MALRD1: variants seen among roughly 807,000 people sequenced by gnomAD.
The protein encoded by MALRD1 is MAM and LDL receptor class A domain containing 1, also known as MAM and LDL-receptor class A domain-containing protein 1.
MALRD1 carries 247 observed loss-of-function variants against 242.1 expected under a neutral mutation model. That is an observed-to-expected ratio of 1.02 (90% CI 0.92 to 1.13). The LOEUF (loss-of-function observed/expected upper bound fraction) is 1.13, where lower values mean the gene tolerates loss of function less well. MALRD1 is among the 50% of genes most tolerant of loss of function. The pLI is 0.00. For synonymous variants in MALRD1, 995 were observed against 866.6 expected, an observed-to-expected ratio of 1.15 and a Z score of -2.60; for missense variants, 2,989 against 2,533.1, an observed-to-expected ratio of 1.18 and a Z score of -3.86.
intron 38 of MALRD1, among the ~76,000 whole-genome samples, chr10:19,723,978 G>A (rs896659348): frequency 6.6e-6 from 1 of 151,578 alleles, no homozygotes; most frequent in African/African-American, 2.4e-5. Context: ...GGATCGCTTG[G>A]GCCCAGGAGT....
At chr10:19,332,174 G>T (rs1335128731) in intron 24 of MALRD1, among the ~76,000 whole-genome samples, 9 of 142,880 alleles carry the variant, frequency 6.3e-5, no homozygotes, top group African/African-American at 8.1e-5. Context: ...TGAAATAAAT[G>T]TTGTTTTTTT....
chr10:19,427,811 C>T (rs1011786073), intron 28 of MALRD1, among the ~76,000 whole-genome samples: 1 of 151,942 alleles, frequency 6.6e-6, no homozygotes, highest in Non-Finnish European at 1.5e-5. Context: ...AAAAGAGTCC[C>T]AATCATTTTG....
Position 19,247,303 on chromosome 10 carries a change from A to G in MALRD1, c.2992-10381A>G, listed in dbSNP as rs556102527. On this transcript the variant is annotated intron_variant, in intron 18 of 39. Transcript: ENST00000454679. ...ACATGTTCAAAAATTAAATTACTTCATTAAAAATATTCTCAACATTCATCA... is the reference window on the plus strand; with the variant it reads ...ACATGTTCAAAAATTAAATTACTTCGTTAAAAATATTCTCAACATTCATCA... Among the ~76,000 whole-genome samples, 3 of 152,266 alleles carry G rather than the reference A, an allele frequency of 2.0e-5. No homozygotes were observed. In the East Asian group the frequency reaches 5.8e-4, roughly 29 times the overall value.
intron 12 of MALRD1, among the ~76,000 whole-genome samples, chr10:19,163,320 A>T (rs942358880): frequency 2.0e-5 from 3 of 152,070 alleles, no homozygotes; most frequent in African/African-American, 7.2e-5. Flanking sequence ...ATATGCAGCC[A>T]TAAAAAAAGA....
chr10:19,139,685 G>T (rs926422532), intron 10 of MALRD1, among the ~76,000 whole-genome samples: 1 of 152,092 alleles, frequency 6.6e-6, no homozygotes, highest in African/African-American at 2.4e-5. Context: ...CCTCCAGACC[G>T]GTGGCTCTTC....
At chr10:19,256,103 C>G (rs1839497242) in intron 18 of MALRD1, among the ~76,000 whole-genome samples, 1 of 152,026 alleles carries the variant, frequency 6.6e-6, no homozygotes, top group Admixed American at 6.6e-5. Flanking sequence ...ATTTTCTATT[C>G]CTTCTCATTA....
At chr10:19,289,938 A>C (rs992465458) in intron 21 of MALRD1, among the ~76,000 whole-genome samples, 2 of 152,122 alleles carry the variant, frequency 1.3e-5, no homozygotes, top group South Asian at 4.1e-4. Context: ...GGCTCAGTAA[A>C]GTAAGGATTA....
chr10:19,533,351 T>C (rs910709260), intron 32 of MALRD1, among the ~76,000 whole-genome samples: 4 of 152,196 alleles, frequency 2.6e-5, no homozygotes, highest in Non-Finnish European at 5.9e-5. Flanking sequence ...TTTTCTACTC[T>C]GGGAAGTTTT....
At chr10:19,555,319 A>G (rs1356047448) in intron 32 of MALRD1, among the ~76,000 whole-genome samples, 1 of 152,110 alleles carries the variant, frequency 6.6e-6, no homozygotes, top group Non-Finnish European at 1.5e-5. Flanking sequence ...GGAGGGGACA[A>G]ACATCTAAAC....
rs116705837 is a variant in MALRD1, at chr10:19,219,570, G to A, written c.2991+9890G>A. Among the ~76,000 whole-genome samples, 625 of 152,124 alleles carry A rather than the reference G, an allele frequency of 4.1e-3. 6 individuals carry two copies. The highest frequency in any genetic ancestry group is 0.014 in the African/African-American group (588 of 41,518). On this transcript the variant is annotated intron_variant, in intron 18 of 39. Transcript: ENST00000454679. ...TCTTGATTCAGCCTCCCAAGTAGCT[G>A]CGCCTATAGGCGTGCACCACCACAC...
chr10:19,620,934 A>G (rs974208562), intron 36 of MALRD1, among the ~76,000 whole-genome samples: 2 of 151,860 alleles, frequency 1.3e-5, no homozygotes, highest in African/African-American at 2.4e-5. Context: ...TTGAGTAAGC[A>G]TATGATGTGT....
At chr10:19,402,625 A>G (rs1174572423) in intron 28 of MALRD1, among the ~76,000 whole-genome samples, 1 of 152,112 alleles carries the variant, frequency 6.6e-6, no homozygotes, top group African/African-American at 2.4e-5. Flanking sequence ...ACAGACTAAT[A>G]TACCCTATCT....
intron 38 of MALRD1, among the ~76,000 whole-genome samples, chr10:19,707,968 G>C (rs1478328423): frequency 8.6e-6 from 1 of 116,630 alleles, no homozygotes; most frequent in East Asian, 2.6e-4. Flanking sequence ...GTCTAAATAT[G>C]TATTATTTTT....
chr10:19,123,579 A>T lies in MALRD1; in HGVS notation c.782A>T (p.Asp261Val), dbSNP rs1837145237. Residue 261 changes from aspartate (D) to valine (V), a missense_variant, in exon 6 of 40, where the codon GAT (aspartate) becomes GTT (valine). Physicochemically the swap from Asp to Val is radical, Grantham distance 152. Coordinates refer to ENST00000454679, the MANE Select transcript of MALRD1 (RefSeq NM_001142308.3). ...DTDLCRFDAT[D>V]EELRLCQACG... ...GATCTCTGCAGATTTGATGCTACAG[A>T]TGAAGAGTTGAGATGTAAGTGTTAA... The T allele has an allele frequency of 4.9e-6, 6 of 1,233,010 alleles. No individual in the cohort carries two copies. Among genetic ancestry groups the T allele is most frequent in the Non-Finnish European group, 6.1e-6 (6 of 987,370 alleles). 76.4% of individuals were successfully genotyped at this position (1,233,010 alleles called of 1,614,324 possible).
At chr10:19,350,923 G>A (rs1393125474) in intron 25 of MALRD1, among the ~76,000 whole-genome samples, 1 of 152,050 alleles carries the variant, frequency 6.6e-6, no homozygotes, top group African/African-American at 2.4e-5. Flanking sequence ...AAGTTTCACC[G>A]GTACCAGGAC....
intron 36 of MALRD1, among the ~76,000 whole-genome samples, chr10:19,646,937 G>T (rs1840685848): frequency 6.6e-6 from 1 of 152,152 alleles, no homozygotes. Flanking sequence ...ACTGAGCTCT[G>T]CTGAGCACTG....
intron 2 of MALRD1, among the ~76,000 whole-genome samples, chr10:19,081,634 A>G (rs1016998117): frequency 4.6e-5 from 7 of 152,108 alleles, no homozygotes; most frequent in Non-Finnish European, 1.0e-4. Context: ...GGGGAGGTAG[A>G]GCATCAGGAA....
chr10:19,129,386 T>C (rs1476491420), intron 8 of MALRD1, among the ~76,000 whole-genome samples: 4 of 152,130 alleles, frequency 2.6e-5, no homozygotes, highest in Admixed American at 1.3e-4. Flanking sequence ...GCAAAGTATG[T>C]GGGAAGAGGG....
chr10:19,449,785 G>A (rs1428042216), intron 28 of MALRD1, among the ~76,000 whole-genome samples: 2 of 152,146 alleles, frequency 1.3e-5, no homozygotes, highest in Non-Finnish European at 2.9e-5. Context: ...AAACCTCCAT[G>A]ACAGGAGTTT....
Sources: allele counts gnomAD v4.1 joint callset (sites outside exome capture counted in the v4.1 genomes callset), GRCh38; gene constraint gnomAD v4.1.1; transcripts MANE v1.5; gene names NCBI Gene and HGNC (gene_info 2026-07-23, HGNC 2026-07-21).